UBAP2: variants seen among roughly 807,000 people sequenced by gnomAD.
UBAP2 encodes the protein ubiquitin associated protein 2, also known as ubiquitin-associated protein 2.
A neutral mutation model predicts 139.6 loss-of-function variants in UBAP2; 75 were observed. The ratio of observed to expected loss-of-function variants is 0.54; its 90% CI spans 0.45 to 0.65. UBAP2 has a LOEUF of 0.65. Ranked by LOEUF, UBAP2 falls within the 30% of genes least tolerant of loss-of-function variation. UBAP2 has a pLI of 0.00. For synonymous variants in UBAP2, 526 were observed against 526.2 expected, an observed-to-expected ratio of 1.00 and a Z score of 0.01; for missense variants, 1,368 against 1,369.6, an observed-to-expected ratio of 1.00 and a Z score of 0.02.
At chr9:33,933,347 C>T in intron 18 of UBAP2, 143 bp downstream of exon 18, 2 of 1,012,750 alleles carry the variant, frequency 2.0e-6, no homozygotes, top group Admixed American at 2.8e-5. Flanking sequence ...CTGGCCAAAA[C>T]CTAAGCTACA....
intron 10 of UBAP2, among the ~76,000 whole-genome samples, chr9:33,958,696 T>C (rs929229956): frequency 4.3e-5 from 6 of 140,962 alleles, no homozygotes; most frequent in African/African-American, 1.3e-4. Context: ...CATGAGCCAC[T>C]GTGCCCGGCC....
intron 13 of UBAP2, among the ~76,000 whole-genome samples, chr9:33,945,830 A>G (rs894295875): frequency 1.3e-5 from 2 of 152,342 alleles, no homozygotes; most frequent in African/African-American, 4.8e-5. Context: ...AACCAGTACT[A>G]TATTAATGGA....
chr9:33,979,436 G>A (rs1304972633), intron 6 of UBAP2, among the ~76,000 whole-genome samples: 2 of 152,162 alleles, frequency 1.3e-5, no homozygotes, highest in Non-Finnish European at 2.9e-5. Flanking sequence ...TTAGCTGGGT[G>A]TGGTGGCGCA....
intron 1 of UBAP2, among the ~76,000 whole-genome samples, chr9:34,020,150 T>TAAA (rs1174976366): frequency 2.4e-5 from 3 of 127,078 alleles, no homozygotes; most frequent in African/African-American, 6.0e-5. Flanking sequence ...ACTCCATTAT[T>TAAA]AAAAAAAAAA....
At chr9:34,040,963 T>C (rs1254948642) in intron 1 of UBAP2, among the ~76,000 whole-genome samples, 1 of 152,176 alleles carries the variant, frequency 6.6e-6, no homozygotes, top group Non-Finnish European at 1.5e-5. Flanking sequence ...ATACCCTACA[T>C]ACAAACCAAA....
intron 2 of UBAP2, among the ~76,000 whole-genome samples, chr9:34,011,920 A>AT (rs1390409237): frequency 1.3e-5 from 2 of 152,174 alleles, no homozygotes; most frequent in Non-Finnish European, 2.9e-5. Flanking sequence ...ATTTTTTTTA[A>AT]TTAGAGCTGT....
At chr9:33,927,216 A>G in intron 20 of UBAP2, 136 bp from the exon 21 acceptor site, 1 of 643,440 alleles carries the variant, frequency 1.6e-6, no homozygotes, top group Non-Finnish European at 2.7e-6. Flanking sequence ...AATGAGGCAG[A>G]GGGTCATTCT....
chr9:33,965,215 ATGT>A (rs1336860193), intron 8 of UBAP2, among the ~76,000 whole-genome samples: 1 of 152,156 alleles, frequency 6.6e-6, no homozygotes, highest in Non-Finnish European at 1.5e-5. Context: ...TATATTCACA[ATGT>A]TGTACAATCA....
At chr9:33,930,125 G>T (rs553856994) in intron 19 of UBAP2, among the ~76,000 whole-genome samples, 1 of 152,100 alleles carries the variant, frequency 6.6e-6, no homozygotes, top group African/African-American at 2.4e-5. Context: ...TAGACTGATG[G>T]GCCATTTTTC....
intron 24 of UBAP2, 27 bp downstream of exon 24, chr9:33,923,768 C>G (rs756822268): frequency 6.2e-7 from 1 of 1,609,394 alleles, no homozygotes; most frequent in African/African-American, 1.3e-5. Context: ...GGCCAGGAGA[C>G]ACAGTCACAC....
chr9:33,933,158 C>T (rs1284219455), intron 18 of UBAP2, among the ~76,000 whole-genome samples: 1 of 152,154 alleles, frequency 6.6e-6, no homozygotes, highest in Admixed American at 6.5e-5. Context: ...CTCATTCCAC[C>T]TCAGTGACAT....
chr9:33,924,682 C>T (rs1350102633), intron 22 of UBAP2, among the ~76,000 whole-genome samples: 5 of 152,186 alleles, frequency 3.3e-5, no homozygotes, highest in Non-Finnish European at 5.9e-5. Context: ...AACAGAAGTG[C>T]AGGGGCCTGA....
chr9:33,994,429 C>T (rs1442390547), intron 4 of UBAP2: 1 of 150,278 alleles, frequency 6.7e-6, no homozygotes, highest in East Asian at 1.9e-4. Flanking sequence ...CTCCAGTGAA[C>T]AATTTGGGTT....
chr9:33,933,736 G>A, intron 17 of UBAP2, 108 bp from the exon 18 acceptor site: 1 of 1,479,054 alleles, frequency 6.8e-7, no homozygotes, highest in Non-Finnish European at 9.1e-7. Context: ...CCTCAGTTGA[G>A]ACGTCCATAA....
chr9:33,966,455 C>T (rs1827464426), intron 8 of UBAP2, among the ~76,000 whole-genome samples: 2 of 150,652 alleles, frequency 1.3e-5, no homozygotes, highest in African/African-American at 4.9e-5. Context: ...GACTCCATCT[C>T]GAAAAAAAAT....
At chr9:33,935,293 T>C (rs1312023379) in intron 17 of UBAP2, 1 of 152,806 alleles carries the variant, frequency 6.5e-6, no homozygotes, top group Admixed American at 6.5e-5. Context: ...AATTTTTGAT[T>C]TAGAAGTAGT....
rs757352833 is a variant in UBAP2 at position 33,941,872 on chromosome 9, G to A, written c.1716-10C>T. On this transcript the variant is annotated splice_polypyrimidine_tract_variant and intron_variant, in intron 15 of 28. Coordinates refer to ENST00000379238, the MANE Select transcript of UBAP2 (RefSeq NM_001370062.2). ...TGTATTCAAAGGCTCACTGAAAAGA[G>A]TCAAAAATATTCAACATAATTTTGT... 9.5e-6 allele frequency: 15 copies of A among 1,582,542 alleles called. No homozygotes were observed. The highest frequency in any genetic ancestry group is 5.7e-5 in the South Asian group (5 of 88,478).
At position 33,923,841 on chromosome 9, in the gene UBAP2, T is replaced by C. The variant is rs538068429; in HGVS notation, c.2750A>G (p.Tyr917Cys). Residue 917 changes from tyrosine (Y) to cysteine (C), a missense_variant, in exon 24 of 29, where the codon TAC becomes TGC. Coordinates refer to ENST00000379238, the MANE Select transcript of UBAP2 (RefSeq NM_001370062.2). ...GAAGGCACTGGGCATGCCTGTGTAGTAGGGAAGACCAGTGTAGCTATAGCC... is the reference window on the plus strand; with the variant it reads ...GAAGGCACTGGGCATGCCTGTGTAGCAGGGAAGACCAGTGTAGCTATAGCC... ...PPGYSYTGLP[Y>C]YTGMPSAFQY... 5 of 1,613,962 alleles carry C rather than the reference T, an allele frequency of 3.1e-6. No homozygotes were observed. Among genetic ancestry groups the C allele is most frequent in the Non-Finnish European group, 4.2e-6 (5 of 1,180,012 alleles).
At chr9:34,033,781 G>A (rs1339588235) in intron 1 of UBAP2, among the ~76,000 whole-genome samples, 1 of 151,424 alleles carries the variant, frequency 6.6e-6, no homozygotes, top group African/African-American at 2.4e-5. Context: ...TGTTGCCCAG[G>A]CTGGAGTGCA....
Sources: gnomAD v4.1 joint callset for allele counts (sites outside exome capture counted in the v4.1 genomes callset) on GRCh38, gnomAD v4.1.1 for gene constraint, MANE v1.5 for transcripts, NCBI Gene and HGNC (gene_info 2026-07-23, HGNC 2026-07-21) for gene names.